Variants in LYPLAL1 observed in about 807,000 individuals in gnomAD.
LYPLAL1 encodes lysophospholipase like 1.
Under a neutral mutation model 19.7 loss-of-function variants are expected in LYPLAL1, and 23 were observed. The ratio of observed to expected loss-of-function variants is 1.17; its 90% confidence interval spans 0.84 to 1.65. The LOEUF (loss-of-function observed/expected upper bound fraction) is 1.65, where lower values mean the gene tolerates loss of function less well. LYPLAL1 is among the 40% of genes most tolerant of loss of function. The pLI, the probability that LYPLAL1 is intolerant of heterozygous loss-of-function variation, is 0.00. For missense variants in LYPLAL1, 355 were observed against 279.4 expected, an observed-to-expected ratio of 1.27 and a Z score of -1.93; for synonymous variants, 119 against 96.3, an observed-to-expected ratio of 1.24 and a Z score of -1.38.
the LYPLAL1 span, among the ~76,000 whole-genome samples, chr1:219,439,786 C>T: frequency 6.6e-6 from 1 of 151,560 alleles, no homozygotes; most frequent in Non-Finnish European, 1.5e-5. Flanking sequence ...GGCCTTCTGG[C>T]TTTTATGGAA....
chr1:219,423,898 G>T, the LYPLAL1 span, among the ~76,000 whole-genome samples: 1 of 151,536 alleles, frequency 6.6e-6, no homozygotes. Flanking sequence ...TAAAGTAGAA[G>T]ACAAATAAAT....
the LYPLAL1 span, among the ~76,000 whole-genome samples, chr1:219,312,671 G>T: frequency 2.0e-5 from 3 of 152,140 alleles, no homozygotes; most frequent in African/African-American, 7.2e-5. Flanking sequence ...GCATTTTTGT[G>T]GGCACCTTGT....
At chr1:219,440,991 T>C in the LYPLAL1 span, among the ~76,000 whole-genome samples, 1 of 152,274 alleles carries the variant, frequency 6.6e-6, no homozygotes, top group Admixed American at 6.5e-5. Flanking sequence ...TGATTGAGCC[T>C]CTAGATCCAA....
chr1:219,301,500 A>T, the LYPLAL1 span, among the ~76,000 whole-genome samples: 3 of 152,226 alleles, frequency 2.0e-5, no homozygotes, highest in African/African-American at 4.8e-5. Context: ...AATTCTATTT[A>T]GACCATGCTT....
At chr1:219,292,751 C>G in the LYPLAL1 span, among the ~76,000 whole-genome samples, 2 of 152,176 alleles carry the variant, frequency 1.3e-5, no homozygotes, top group Non-Finnish European at 2.9e-5. Flanking sequence ...CCCTCTGTTT[C>G]TAATCACGTA....
At chr1:219,395,528 A>C in the LYPLAL1 span, among the ~76,000 whole-genome samples, 1 of 152,094 alleles carries the variant, frequency 6.6e-6, no homozygotes, top group Non-Finnish European at 1.5e-5. Flanking sequence ...ACCTCTGTCA[A>C]ATGTATAGTT....
At chr1:219,309,456 G>A in the LYPLAL1 span, among the ~76,000 whole-genome samples, 1 of 152,076 alleles carries the variant, frequency 6.6e-6, no homozygotes, top group African/African-American at 2.4e-5. Flanking sequence ...GTGGGGCTGG[G>A]GCTGAATGAT....
the LYPLAL1 span, among the ~76,000 whole-genome samples, chr1:219,307,984 G>T: frequency 6.6e-6 from 1 of 152,176 alleles, no homozygotes; most frequent in Non-Finnish European, 1.5e-5. Flanking sequence ...GAAAATGTGA[G>T]AAAGTTTGGA....
At chr1:219,309,617 G>C in the LYPLAL1 span, among the ~76,000 whole-genome samples, 9 of 152,128 alleles carry the variant, frequency 5.9e-5, no homozygotes, top group African/African-American at 1.7e-4. Flanking sequence ...AATCTCATGA[G>C]ATCTGATGAT....
At chr1:219,299,753 A>C in the LYPLAL1 span, among the ~76,000 whole-genome samples, 1 of 152,166 alleles carries the variant, frequency 6.6e-6, no homozygotes, top group South Asian at 2.1e-4. Flanking sequence ...AAATATATCA[A>C]TGGTTCAGAA....
chr1:219,339,046 A>G, the LYPLAL1 span, among the ~76,000 whole-genome samples: 390 of 152,038 alleles, frequency 2.6e-3, 2 homozygotes, highest in African/African-American at 8.1e-3. Context: ...GGTCAGAGAT[A>G]ATCTAGAAGA....
At chr1:219,254,513 A>T in the LYPLAL1 span, among the ~76,000 whole-genome samples, 1 of 151,960 alleles carries the variant, frequency 6.6e-6, no homozygotes, top group Non-Finnish European at 1.5e-5. Flanking sequence ...TCTGCAAAGG[A>T]TCTTATTTTC....
the LYPLAL1 span, among the ~76,000 whole-genome samples, chr1:219,289,078 G>GTTTTTT: frequency 9.6e-5 from 11 of 114,894 alleles, 2 homozygotes; most frequent in Admixed American, 2.8e-4. Context: ...CTCTTGTTTT[G>GTTTTTT]TTTTTTTTGT....
chr1:219,179,042 A>G, intron 1 of LYPLAL1, 105 bp from the exon 2 acceptor site: 1 of 682,292 alleles, frequency 1.5e-6, no homozygotes, highest in East Asian at 3.0e-5. Flanking sequence ...GAGCTTTTTT[A>G]AATCCTTTAT....
At chr1:219,392,064 A>G in the LYPLAL1 span, among the ~76,000 whole-genome samples, 1 of 152,102 alleles carries the variant, frequency 6.6e-6, no homozygotes, top group Non-Finnish European at 1.5e-5. Context: ...CAGCACTGAA[A>G]CCCCTTGAGA....
At chr1:219,276,810 A>T in the LYPLAL1 span, among the ~76,000 whole-genome samples, 4 of 152,194 alleles carry the variant, frequency 2.6e-5, no homozygotes, top group Non-Finnish European at 5.9e-5. Flanking sequence ...CCCCCAAAGG[A>T]CACATATGGG....
At chr1:219,190,109 A>C (rs1657028278) in intron 2 of LYPLAL1, among the ~76,000 whole-genome samples, 1 of 151,598 alleles carries the variant, frequency 6.6e-6, no homozygotes, top group South Asian at 2.1e-4. Context: ...TCTCAACTAA[A>C]GCTCTTCAGC....
At chr1:219,275,486 C>T in the LYPLAL1 span, among the ~76,000 whole-genome samples, 1 of 151,814 alleles carries the variant, frequency 6.6e-6, no homozygotes, top group Non-Finnish European at 1.5e-5. Context: ...ATTATATTAA[C>T]TCTAATCTAT....
At chr1:219,386,684 G>C in the LYPLAL1 span, among the ~76,000 whole-genome samples, 1 of 152,064 alleles carries the variant, frequency 6.6e-6, no homozygotes, top group East Asian at 1.9e-4. Flanking sequence ...CTTCCTTTTA[G>C]ATGTCTCATA....
Sources: gnomAD v4.1 joint callset for allele counts (sites outside exome capture counted in the v4.1 genomes callset) on GRCh38, gnomAD v4.1.1 for gene constraint, MANE v1.5 for transcripts, NCBI Gene and HGNC (gene_info 2026-07-23, HGNC 2026-07-21) for gene names.